The following SUCO variants were observed in gnomAD, a reference collection of about 807,000 sequenced individuals.
SUCO encodes SUN domain-containing ossification factor.
SUCO carries 57 observed loss-of-function variants against 148.1 expected under a neutral mutation model. The ratio of observed to expected loss-of-function variants is 0.38; its 90% CI spans 0.31 to 0.48. The LOEUF is 0.48. Among genes scored for constraint, SUCO ranks in the 20% least tolerant of loss-of-function variants. The probability of loss-of-function intolerance (pLI) is 0.96; values close to 1 mark genes in which losing one functional copy is unlikely to be tolerated. For missense variants in SUCO, 1,331 were observed against 1,468.2 expected, an observed-to-expected ratio of 0.91 and a Z score of 1.53; for synonymous variants, 470 against 502.7, an observed-to-expected ratio of 0.93 and a Z score of 0.87.
rs990602466 is a variant in SUCO at position 172,611,699 on chromosome 1, TG to T, written c.*1441del. ...GAAGCCCCTTGAAAAGAGGTCCAGA[TG>T]AGAGCAGAGATACAGTGAGAAATTA... On this transcript the variant is annotated 3_prime_UTR_variant, in exon 24 of 24. Coordinates refer to ENST00000263688, the MANE Select transcript of SUCO (RefSeq NM_014283.5). The T allele has an allele frequency of 6.6e-6, 1 of 152,644 alleles. No individual in the cohort carries two copies. Among genetic ancestry groups the T allele is most frequent in the African/African-American group, 2.4e-5 (1 of 41,452 alleles). 9.5% of individuals were successfully genotyped at this position (152,644 alleles called of 1,614,324 possible). A position where few individuals can be genotyped will look rare whatever the true frequency, so the allele number is the denominator to read the frequency against.
chr1:172,569,446 A>C (rs989116143), intron 7 of SUCO: 1 of 979,122 alleles, frequency 1.0e-6, no homozygotes, highest in African/African-American at 1.8e-5. Context: ...TAAAATTCAT[A>C]TGGAACTCAA....
At chr1:172,584,781 C>T (rs1400174042) in intron 15 of SUCO, among the ~76,000 whole-genome samples, 1 of 151,932 alleles carries the variant, frequency 6.6e-6, no homozygotes, top group African/African-American at 2.4e-5. Flanking sequence ...GTCTCCAAAA[C>T]GAAAAGTATA....
chr1:172,534,461 A>AT (rs1651865603), intron 1 of SUCO, among the ~76,000 whole-genome samples: 1 of 152,246 alleles, frequency 6.6e-6, no homozygotes, highest in South Asian at 2.1e-4. Context: ...CACTATTTTC[A>AT]TTTTTATGGA....
upstream of SUCO, chr1:172,532,490 A>G (rs765497565): frequency 5.0e-6 from 8 of 1,613,004 alleles, no homozygotes; most frequent in South Asian, 1.1e-5. Context: ...GATTCTTGGC[A>G]CGCCCCTTTC....
At chr1:172,602,370 A>G in intron 21 of SUCO, 152 bp downstream of exon 21, 1 of 1,425,438 alleles carries the variant, frequency 7.0e-7, no homozygotes, top group Non-Finnish European at 9.1e-7. Flanking sequence ...ATTCGATAGT[A>G]AGATGGTCCT....
chr1:172,573,009 A>G (rs1655158332), intron 9 of SUCO, among the ~76,000 whole-genome samples: 1 of 152,156 alleles, frequency 6.6e-6, no homozygotes, highest in Non-Finnish European at 1.5e-5. Context: ...ATGTTAATAA[A>G]TGTAAATCTT....
In SUCO at chr1:172,589,544, C is replaced by A. The variant is rs1403019270; in HGVS notation, c.2443C>A (p.Gln815Lys). Reference sequence around the variant, plus strand: ...TATAAAAGAAGATGTGAACTCCATGCAAATTTTCACAAAGCTGTCTGAAAC... The same window carrying A: ...TATAAAAGAAGATGTGAACTCCATGAAAATTTTCACAAAGCTGTCTGAAAC... ...NIIKEDVNSM[Q>K]IFTKLSETIV... is the part of the protein sequence containing the mutation. The change falls in exon 18 of 24, where the codon CAA (glutamine) becomes AAA (lysine). Residue 815 changes from glutamine (Q) to lysine (K), a missense_variant. Gln to Lys is a moderately conservative substitution (Grantham distance 53). Coordinates refer to ENST00000263688, the MANE Select transcript of SUCO (RefSeq NM_014283.5). The A allele has an allele frequency of 1.2e-6, 2 of 1,613,562 alleles. No homozygotes were observed. Among genetic ancestry groups the A allele is most frequent in the Admixed American group, 1.7e-5 (1 of 59,884 alleles).
intron 8 of SUCO, chr1:172,570,419 TA>T (rs1654872523): frequency 2.0e-6 from 1 of 491,530 alleles, no homozygotes; most frequent in Non-Finnish European, 3.6e-6. Flanking sequence ...ACTAAAATAT[TA>T]TTTTTTTCTT....
chr1:172,546,766 A>G (rs1652891831), intron 1 of SUCO, among the ~76,000 whole-genome samples: 1 of 152,152 alleles, frequency 6.6e-6, no homozygotes, highest in Non-Finnish European at 1.5e-5. Context: ...AAAATTAGCC[A>G]GACATTTTGG....
At chr1:172,589,948 C>G in intron 18 of SUCO, 22 bp downstream of exon 18, 1 of 1,501,814 alleles carries the variant, frequency 6.7e-7, no homozygotes, top group Non-Finnish European at 8.8e-7. Context: ...TATGAATTAG[C>G]ACAGTCAGCT....
intron 1 of SUCO, among the ~76,000 whole-genome samples, chr1:172,541,308 C>T (rs1248502069): frequency 6.6e-6 from 1 of 152,056 alleles, no homozygotes; most frequent in Non-Finnish European, 1.5e-5. Context: ...TGTTTTAAAT[C>T]ATCTCTAGAT....
At chr1:172,591,104 A>T in intron 19 of SUCO, 33 bp downstream of exon 19, 1 of 1,514,970 alleles carries the variant, frequency 6.6e-7, no homozygotes, top group Non-Finnish European at 9.1e-7. Flanking sequence ...TACTTTTTAT[A>T]TAAATTTCCA....
At chr1:172,578,051 TGA>T (rs1655588700) in intron 13 of SUCO, among the ~76,000 whole-genome samples, 1 of 151,834 alleles carries the variant, frequency 6.6e-6, no homozygotes, top group South Asian at 2.1e-4. Flanking sequence ...TTTGCTATGA[TGA>T]TAATACACAG....
intron 1 of SUCO, among the ~76,000 whole-genome samples, chr1:172,549,234 C>A (rs1653097703): frequency 6.6e-6 from 1 of 151,758 alleles, no homozygotes; most frequent in African/African-American, 2.4e-5. Context: ...GGTAATCTTA[C>A]ATGCTTGTAA....
Position 172,551,608 on chromosome 1 carries a change from T to C in SUCO, c.159T>C (p.Asp53=). The change falls in exon 2 of 24, where the codon GAT becomes GAC. Residue 53 remains aspartate (D), a synonymous_variant. Coordinates refer to ENST00000263688, the MANE Select transcript of SUCO (RefSeq NM_014283.5). ...QDDNCALENE[D]VQFQKKDERE... ...ACAACTGCGCACTAGAAAATGAAGATGTACAATTCCAGAAAAAGGTGCCTT... is the reference window on the plus strand; with the variant it reads ...ACAACTGCGCACTAGAAAATGAAGACGTACAATTCCAGAAAAAGGTGCCTT... The C allele has an allele frequency of 6.2e-7, 1 of 1,604,132 alleles. No individual in the cohort carries two copies. The highest frequency in any genetic ancestry group is 1.1e-5 in the South Asian group (1 of 89,494).
At chr1:172,537,081 C>G (rs1266221508) in intron 1 of SUCO, among the ~76,000 whole-genome samples, 3 of 152,144 alleles carry the variant, frequency 2.0e-5, no homozygotes, top group Non-Finnish European at 4.4e-5. Context: ...ACCATACTCC[C>G]TCAGTCCTGG....
At chr1:172,576,580 A>AT (rs1162059964) in intron 11 of SUCO, among the ~76,000 whole-genome samples, 2 of 151,676 alleles carry the variant, frequency 1.3e-5, no homozygotes, top group African/African-American at 2.4e-5. Flanking sequence ...CAATTACTTA[A>AT]TTTTTTATAC....
At chr1:172,585,731 G>T in intron 16 of SUCO, 127 bp from the exon 17 acceptor site, 1 of 622,982 alleles carries the variant, frequency 1.6e-6, no homozygotes, top group Non-Finnish European at 2.9e-6. Context: ...GATTTTTTAA[G>T]AAAAAGTCTG....
At chr1:172,570,463 A>T in intron 8 of SUCO, 200 bp from the exon 9 acceptor site, 3 of 528,398 alleles carry the variant, frequency 5.7e-6, no homozygotes, top group Non-Finnish European at 6.7e-6. Flanking sequence ...TAAATGTATC[A>T]TTGTAACACT....
Sources: gnomAD v4.1 joint callset for allele counts (sites outside exome capture counted in the v4.1 genomes callset) on GRCh38, gnomAD v4.1.1 for gene constraint, MANE v1.5 for transcripts, NCBI Gene and HGNC (gene_info 2026-07-23, HGNC 2026-07-21) for gene names.